Variants in ADK observed in about 807,000 individuals in gnomAD.
ADK encodes adenosine kinase, also known as N6,N6-dimethyladenosine kinase.
ADK carries 24 observed loss-of-function variants against 44.7 expected under a neutral mutation model. The observed-to-expected ratio is 0.54, with a 90% CI of 0.39 to 0.76. The LOEUF (loss-of-function observed/expected upper bound fraction) is 0.76. Among genes scored for constraint, ADK ranks in the 30% least tolerant of loss-of-function variants. The pLI, the probability that ADK is intolerant of heterozygous loss-of-function variation, is 0.00. For synonymous variants in ADK, 128 were observed against 142.6 expected (o/e 0.90, Z 0.73); for missense variants, 321 against 425.1 (o/e 0.76, Z 2.15).
At chr10:74,232,621 A>AT (rs1409061114) in intron 3 of ADK, among the ~76,000 whole-genome samples, 10 of 143,790 alleles carry the variant, frequency 7.0e-5, no homozygotes, top group Admixed American at 7.3e-5. Context: ...CATTATAAGG[A>AT]TTTAAAAAAA....
At chr10:74,466,511 T>C (rs569129574) in intron 6 of ADK, among the ~76,000 whole-genome samples, 2 of 152,266 alleles carry the variant, frequency 1.3e-5, no homozygotes, top group South Asian at 2.1e-4. Context: ...GAAAAAGTTA[T>C]CATCTCAAAG....
intron 3 of ADK, among the ~76,000 whole-genome samples, chr10:74,235,595 C>G (rs542629239): frequency 3.9e-5 from 6 of 152,302 alleles, no homozygotes; most frequent in Middle Eastern, 6.8e-3. Context: ...TGAGCCACTG[C>G]ACCCTGCTCA....
chr10:74,341,104 T>TA (rs957886252), intron 4 of ADK, among the ~76,000 whole-genome samples: 5 of 152,178 alleles, frequency 3.3e-5, no homozygotes, highest in African/African-American at 7.2e-5. Flanking sequence ...CATTCAAAGT[T>TA]AAAGTTATTT....
chr10:74,622,017 C>G (rs1853012324), intron 9 of ADK, among the ~76,000 whole-genome samples: 1 of 152,160 alleles, frequency 6.6e-6, no homozygotes, highest in Non-Finnish European at 1.5e-5. Flanking sequence ...ACCACTCTGC[C>G]TTATGGATGC....
At chr10:74,197,710 A>AT (rs1843212343) in intron 1 of ADK, among the ~76,000 whole-genome samples, 1 of 80,644 alleles carries the variant, frequency 1.2e-5, no homozygotes, top group Non-Finnish European at 3.3e-5. Context: ...AAAAAAAAAA[A>AT]GAAAAAAAAA....
intron 6 of ADK, among the ~76,000 whole-genome samples, chr10:74,475,009 C>T (rs1163757137): frequency 6.6e-6 from 1 of 152,122 alleles, no homozygotes; most frequent in Non-Finnish European, 1.5e-5. Context: ...CCTGTAATCC[C>T]AGCTACTTGG....
chr10:74,615,298 A>G (rs1852709300), intron 9 of ADK, among the ~76,000 whole-genome samples: 1 of 152,146 alleles, frequency 6.6e-6, no homozygotes, highest in African/African-American at 2.4e-5. Flanking sequence ...TTCATTTGTA[A>G]TACAGGTAGG....
At chr10:74,498,362 G>A (rs1210613740) in intron 6 of ADK, among the ~76,000 whole-genome samples, 3 of 152,168 alleles carry the variant, frequency 2.0e-5, no homozygotes. Context: ...GAATGGGCAT[G>A]TGGTGTTATG....
chr10:74,302,410 C>T (rs1043117295), intron 3 of ADK, among the ~76,000 whole-genome samples: 1 of 151,832 alleles, frequency 6.6e-6, no homozygotes, highest in East Asian at 2.0e-4. Context: ...GCATGAGCCA[C>T]TGCCCCCAGC....
At chr10:74,665,419 G>A (rs1854909693) in intron 9 of ADK, among the ~76,000 whole-genome samples, 2 of 152,086 alleles carry the variant, frequency 1.3e-5, no homozygotes, top group Admixed American at 1.3e-4. Context: ...GGCAGTGGCA[G>A]GGGTAGTGAC....
intron 6 of ADK, among the ~76,000 whole-genome samples, chr10:74,444,950 A>T (rs945568045): frequency 6.6e-6 from 1 of 152,082 alleles, no homozygotes; most frequent in African/African-American, 2.4e-5. Flanking sequence ...TTAAAGGTGT[A>T]GGTTAGAAAA....
intron 4 of ADK, among the ~76,000 whole-genome samples, chr10:74,347,799 G>C (rs1841829188): frequency 6.6e-6 from 1 of 152,156 alleles, no homozygotes; most frequent in Non-Finnish European, 1.5e-5. Flanking sequence ...AAGGTGGCGG[G>C]GAGGTTTGAA....
chr10:74,625,717 G>C (rs1019800134), intron 9 of ADK, among the ~76,000 whole-genome samples: 1 of 152,068 alleles, frequency 6.6e-6, no homozygotes, highest in South Asian at 2.1e-4. Context: ...AAAAATTGTA[G>C]AGAAAAATTA....
intron 9 of ADK, among the ~76,000 whole-genome samples, chr10:74,654,584 G>A (rs1854407641): frequency 1.3e-5 from 2 of 152,214 alleles, no homozygotes; most frequent in African/African-American, 4.8e-5. Context: ...GCCGAGGTGG[G>A]CAGATCACTT....
At chr10:74,205,818 GA>G (rs536202889) in intron 2 of ADK, among the ~76,000 whole-genome samples, 66 of 151,622 alleles carry the variant, frequency 4.4e-4, no homozygotes, top group Non-Finnish European at 7.2e-4. Context: ...TATTCCTGAT[GA>G]AAAAAAATAA....
chr10:74,396,230 C>T (rs894251212), intron 5 of ADK, among the ~76,000 whole-genome samples: 3 of 152,200 alleles, frequency 2.0e-5, no homozygotes, highest in East Asian at 3.9e-4. Flanking sequence ...CCTTTGCTGC[C>T]ACTATCAAAA....
chr10:74,271,757 G>A (rs1846440254), intron 3 of ADK, among the ~76,000 whole-genome samples: 1 of 150,808 alleles, frequency 6.6e-6, no homozygotes, highest in Non-Finnish European at 1.5e-5. Flanking sequence ...ATTTTTTATG[G>A]CTGCATAGTA....
At chr10:74,407,270 T>A (rs1210661577) in intron 6 of ADK, among the ~76,000 whole-genome samples, 3 of 152,208 alleles carry the variant, frequency 2.0e-5, no homozygotes, top group Non-Finnish European at 4.4e-5. Context: ...ATAATTTCTA[T>A]TACTCTGAAG....
At chr10:74,205,824 A>T (rs2132170502) in intron 2 of ADK, among the ~76,000 whole-genome samples, 1 of 152,292 alleles carries the variant, frequency 6.6e-6, no homozygotes, top group Admixed American at 6.5e-5. Context: ...TGATGAAAAA[A>T]AATAACTTAA....
Sources: allele counts gnomAD v4.1 joint callset (sites outside exome capture counted in the v4.1 genomes callset), GRCh38; gene constraint gnomAD v4.1.1; transcripts MANE v1.5; gene names NCBI Gene and HGNC (gene_info 2026-07-23, HGNC 2026-07-21).